The following ITPR3 variants were observed in gnomAD, a reference collection of about 807,000 sequenced individuals.
The protein encoded by ITPR3 is inositol 1,4,5-trisphosphate-gated calcium channel ITPR3.
A neutral mutation model predicts 293.2 loss-of-function variants in ITPR3; 173 were observed. That is an observed-to-expected ratio of 0.59 (90% CI 0.52 to 0.67). The LOEUF (loss-of-function observed/expected upper bound fraction) is 0.67. Among genes scored for constraint, ITPR3 ranks in the 30% least tolerant of loss-of-function variants. The pLI is 0.00. For synonymous variants in ITPR3, 1,295 were observed against 1,444.4 expected (o/e 0.90, Z 2.35); for missense variants, 2,796 against 3,592.1 (o/e 0.78, Z 5.66).
rs958084614 is a variant in ITPR3 at position 33,692,280 on chromosome 6, G to A, written c.7458+352G>A. ...ATTTGGCTTGGGCAGCCACATTCCC[G>A]AATGTCAGGCCTTCCCCTGTTGCTT... On this transcript the variant is annotated intron_variant, in intron 54 of 57. Coordinates refer to ENST00000605930, the MANE Select transcript of ITPR3 (RefSeq NM_002224.4). The surrounding 1 kb of genome is among the most constrained non-coding windows in gnomAD (Gnocchi z 4.2). 2.6e-5 allele frequency among the ~76,000 whole-genome samples: 4 copies of A among 152,332 alleles called. No homozygotes were observed. The highest frequency in any genetic ancestry group is 2.0e-4 in the Admixed American group (3 of 15,302).
chr6:33,678,450 C>T lies in ITPR3; in HGVS notation c.3678C>T (p.Arg1226=), dbSNP rs1171455916. ...KGDAKMMEIL[R]YTHQFLQKFC... ...ATGCCAAGATGATGGAGATCCTGCG[C>T]TACACGCACCAGTTCCTGCAGAAGT... is the stretch of plus-strand genomic sequence containing the variant. Residue 1226 remains arginine, a synonymous_variant, in exon 29 of 58, where the codon CGC becomes CGT. Transcript: ENST00000605930. 1 of 1,613,784 alleles carries T rather than the reference C, an allele frequency of 6.2e-7. No individual in the cohort carries two copies. Among genetic ancestry groups the T allele is most frequent in the South Asian group, 1.1e-5 (1 of 91,076 alleles).
chr6:33,666,612 T>TTC lies in ITPR3; in HGVS notation c.1552-516_1552-515insCT. On this transcript the variant is annotated intron_variant, in intron 14 of 57. Coordinates refer to ENST00000605930, the MANE Select transcript of ITPR3 (RefSeq NM_002224.4). The surrounding 1 kb of genome is among the most constrained non-coding windows in gnomAD (Gnocchi z 5.1). ...AATGTCTTTGTAAAGTTTGTTTTTT[T>TTC]TTTTTTAGAAACGAGGATCCAATTA... Among the ~76,000 whole-genome samples, 1 of 152,174 alleles carries TTC rather than the reference T, an allele frequency of 6.6e-6. No individual in the cohort carries two copies. The highest frequency in any genetic ancestry group is 2.4e-5 in the African/African-American group (1 of 41,522).
At chr6:33,693,291 G>A (rs545432385) in intron 55 of ITPR3, among the ~76,000 whole-genome samples, 5 of 152,192 alleles carry the variant, frequency 3.3e-5, no homozygotes, top group Non-Finnish European at 5.9e-5. Context: ...CCCTGAGTTC[G>A]AGAAATTCTC....
In ITPR3 at chr6:33,667,879, A is replaced by G. The variant is rs1394112254; in HGVS notation, c.1801A>G (p.Asn601Asp). The G allele has an allele frequency of 1.9e-6, 3 of 1,614,012 alleles. No individual in the cohort carries two copies. Among genetic ancestry groups the G allele is most frequent in the Non-Finnish European group, 1.7e-6 (2 of 1,180,006 alleles). ...GGACACCATCACTGCCCTGCTGCACAACAACCGCAAGCTCCTGGAAAAGCA... is the reference window on the plus strand; with the variant it reads ...GGACACCATCACTGCCCTGCTGCACGACAACCGCAAGCTCCTGGAAAAGCA... ...AEDTITALLH[N>D]NRKLLEKHIT... The change falls in exon 16 of 58, where the codon AAC becomes GAC. Residue 601 changes from asparagine to aspartate, a missense_variant. Coordinates refer to ENST00000605930, the MANE Select transcript of ITPR3 (RefSeq NM_002224.4). This position sits in a 1 kb window ranked among gnomAD's most constrained non-coding sequence, Gnocchi z 4.4.
At position 33,675,968 on chromosome 6, in the gene ITPR3, T is replaced by C. The variant is rs1385926607; in HGVS notation, c.3282+112T>C. ...CTCAAGGGGTAACTTGGGATGCCCA[T>C]TTGGGGTTTTCAGCCTTGCTGAGTT... On this transcript the variant is annotated intron_variant, in intron 25 of 57. Transcript: ENST00000605930. This position sits in a 1 kb window ranked among gnomAD's most constrained non-coding sequence, Gnocchi z 5.0. 2 of 1,304,108 alleles carry C rather than the reference T, an allele frequency of 1.5e-6. No homozygotes were observed. Among genetic ancestry groups the C allele is most frequent in the East Asian group, 2.7e-5 (1 of 37,672 alleles). 80.8% of individuals were successfully genotyped at this position (1,304,108 alleles called of 1,614,324 possible).
intron 57 of ITPR3, 113 bp from the exon 58 acceptor site, chr6:33,695,599 C>T (rs536452242): frequency 1.9e-5 from 20 of 1,063,516 alleles, no homozygotes; most frequent in South Asian, 5.4e-5. Flanking sequence ...CCGCCAGTGC[C>T]GAATAGCAGC....
At chr6:33,668,366 G>T in intron 16 of ITPR3, 149 bp from the exon 17 acceptor site, 1 of 1,086,508 alleles carries the variant, frequency 9.2e-7, no homozygotes, top group East Asian at 2.6e-5. Flanking sequence ...TGGGGAGCTG[G>T]GAGTCCATCC....
At chr6:33,686,361 C>A (rs371859834) in intron 42 of ITPR3, 48 bp from the exon 43 acceptor site, 1 of 1,598,106 alleles carries the variant, frequency 6.3e-7, no homozygotes, top group Non-Finnish European at 8.6e-7. Context: ...GGAGCTGCCA[C>A]TATTCTGAGA....
chr6:33,674,495 A>G (rs2127291387), intron 24 of ITPR3, among the ~76,000 whole-genome samples: 1 of 152,316 alleles, frequency 6.6e-6, no homozygotes, highest in East Asian at 1.9e-4. Flanking sequence ...TACTCAGGGC[A>G]GGTGTGCCTC....
At position 33,691,634 on chromosome 6, in the gene ITPR3, A is replaced by C; in HGVS notation, c.7245A>C (p.Pro2415=). Residue 2415 remains proline (P), a synonymous_variant, in exon 53 of 58, where the codon CCA becomes CCC. Coordinates refer to ENST00000605930, the MANE Select transcript of ITPR3 (RefSeq NM_002224.4). This position sits in a 1 kb window ranked among gnomAD's most constrained non-coding sequence, Gnocchi z 4.9. ...CTCCAGCCAGCCCCCTGGGGATGCC[A>C]CATGGAGCTGCTGCATTTGTGGACA... ...NHSTASPLGM[P]HGAAAFVDTC... 1 of 1,613,988 alleles carries C rather than the reference A, an allele frequency of 6.2e-7. No homozygotes were observed. Among genetic ancestry groups the C allele is most frequent in the Non-Finnish European group, 8.5e-7 (1 of 1,179,960 alleles).
At chr6:33,637,155 A>G (rs953276702) in intron 1 of ITPR3, among the ~76,000 whole-genome samples, 1 of 152,204 alleles carries the variant, frequency 6.6e-6, no homozygotes, top group African/African-American at 2.4e-5. Context: ...TTCTGACACT[A>G]TCTGCCTGGA....
At chr6:33,669,207 T>C (rs774316470) in intron 18 of ITPR3, 51 bp downstream of exon 18, 1 of 1,566,278 alleles carries the variant, frequency 6.4e-7, no homozygotes, top group Non-Finnish European at 8.7e-7. Flanking sequence ...TTGGGCCTTC[T>C]CAGTAGGCCG....
At position 33,680,457 on chromosome 6, in the gene ITPR3, C is replaced by G. The variant is rs2127298849; in HGVS notation, c.4350+3C>G. On this transcript the variant is annotated splice_donor_region_variant and intron_variant, in intron 32 of 57. Coordinates refer to ENST00000605930, the MANE Select transcript of ITPR3 (RefSeq NM_002224.4). ...ACTTCACCCTGGACATGGCCCGGGTCTGTCCCTGTGAGGGGTGTGGGTGAA... is the reference window on the plus strand; with the variant it reads ...ACTTCACCCTGGACATGGCCCGGGTGTGTCCCTGTGAGGGGTGTGGGTGAA... The G allele has an allele frequency of 6.2e-7, 1 of 1,612,708 alleles. No individual in the cohort carries two copies.
At chr6:33,659,259 T>A in intron 6 of ITPR3, 140 bp downstream of exon 6, 1 of 915,854 alleles carries the variant, frequency 1.1e-6, no homozygotes, top group Non-Finnish European at 1.7e-6. Flanking sequence ...GGCTTCTGCA[T>A]CCATTTCCCA....
In ITPR3 at chr6:33,670,370, C is replaced by G; in HGVS notation, c.2235C>G (p.Tyr745Ter). The G allele has an allele frequency of 6.2e-7, 1 of 1,614,152 alleles. No homozygotes were observed. Among genetic ancestry groups the G allele is most frequent in the Non-Finnish European group, 8.5e-7 (1 of 1,180,046 alleles). ...CCCGCATGTGCTTGGACCGCCAGTA[C>G]TTGGCCATCGACGAGATCTCCCAGC... Reference protein sequence around the residue: ...LFARMCLDRQYLAIDEISQQL... With the variant: ...LFARMCLDRQ The change falls in exon 19 of 58, where the codon TAC (tyrosine) becomes TAG (stop). Residue 745 changes from tyrosine (Y) to a stop codon, truncating the protein, a stop_gained. Coordinates refer to ENST00000605930, the MANE Select transcript of ITPR3 (RefSeq NM_002224.4). LOFTEE classifies it high-confidence loss of function. The surrounding 1 kb of genome is among the most constrained non-coding windows in gnomAD (Gnocchi z 6.7).
In ITPR3 at chr6:33,669,020, A is replaced by G; in HGVS notation, c.2053A>G (p.Ile685Val). 6.2e-7 allele frequency: 1 copy of G among 1,614,122 alleles called. No individual in the cohort carries two copies. Among genetic ancestry groups the G allele is most frequent in the Non-Finnish European group, 8.5e-7 (1 of 1,179,996 alleles). The change falls in exon 18 of 58, where the codon ATC (isoleucine) becomes GTC (valine). Residue 685 changes from isoleucine to valine, a missense_variant. Coordinates refer to ENST00000605930, the MANE Select transcript of ITPR3 (RefSeq NM_002224.4). ...EMAQSHEYLSIEYSEEEVWLT... is the reference protein window; with the variant it reads ...EMAQSHEYLSVEYSEEEVWLT... Reference sequence around the variant, plus strand: ...GGCCCAATCCCACGAGTACCTGAGCATCGAGTACTCAGAAGAGGAAGTGTG... The same window carrying G: ...GGCCCAATCCCACGAGTACCTGAGCGTCGAGTACTCAGAAGAGGAAGTGTG...
At position 33,675,891 on chromosome 6, in the gene ITPR3, A is replaced by G; in HGVS notation, c.3282+35A>G. 6.6e-7 allele frequency: 1 copy of G among 1,519,178 alleles called. No individual in the cohort carries two copies. The allele number at this position is 1,519,178 out of a possible 1,614,324, so 94.1% of individuals were successfully genotyped here. On this transcript the variant is annotated intron_variant, in intron 25 of 57. Coordinates refer to ENST00000605930, the MANE Select transcript of ITPR3 (RefSeq NM_002224.4). The surrounding 1 kb of genome is among the most constrained non-coding windows in gnomAD (Gnocchi z 5.0). ...CTACCTGGCCCTGGCCCTGAGCATGAGGCCTGCACCAGGCACGGGGGGACA... is the reference window on the plus strand; with the variant it reads ...CTACCTGGCCCTGGCCCTGAGCATGGGGCCTGCACCAGGCACGGGGGGACA...
Position 33,691,090 on chromosome 6 carries a change from G to A in ITPR3, c.7206G>A (p.Leu2402=). 2.5e-6 allele frequency: 4 copies of A among 1,614,184 alleles called. No homozygotes were observed. Among genetic ancestry groups the A allele is most frequent in the Non-Finnish European group, 3.4e-6 (4 of 1,180,026 alleles). The change falls in exon 52 of 58, where the codon CTG becomes CTA. Residue 2402 remains leucine, a synonymous_variant. Transcript: ENST00000605930. The surrounding 1 kb of genome is among the most constrained non-coding windows in gnomAD (Gnocchi z 4.9). ...KDDFILEVDR[L]PNNHSTASPL... is the part of the protein sequence containing the mutation. ...ACTTCATTCTCGAGGTCGACCGGCTGCCCAACAACCACTCCACAGGTCTTG... is the reference window on the plus strand; with the variant it reads ...ACTTCATTCTCGAGGTCGACCGGCTACCCAACAACCACTCCACAGGTCTTG...
Position 33,682,542 on chromosome 6 carries a change from G to T in ITPR3, c.4495G>T (p.Val1499Leu). Residue 1499 changes from valine to leucine, a missense_variant, in exon 34 of 58, where the codon GTG (valine) becomes TTG (leucine). This residue lies in a region of ITPR3 where 704 missense variants were observed against 797.5 expected (regional missense o/e 0.88). Coordinates refer to ENST00000605930, the MANE Select transcript of ITPR3 (RefSeq NM_002224.4). This position sits in a 1 kb window ranked among gnomAD's most constrained non-coding sequence, Gnocchi z 5.4. Reference protein sequence around the residue: ...TSLQTHQTIVVQLLQSTTRLL... With the variant: ...TSLQTHQTIVLQLLQSTTRLL... ...CTTGCAGACACACCAGACGATTGTG[G>T]TGCAGCTGCTGCAGTCTACCACACG... The T allele has an allele frequency of 1.3e-6, 2 of 1,548,472 alleles. No individual in the cohort carries two copies. Among genetic ancestry groups the T allele is most frequent in the Non-Finnish European group, 1.7e-6 (2 of 1,145,456 alleles).
Sources: allele counts gnomAD v4.1 joint callset (sites outside exome capture counted in the v4.1 genomes callset), GRCh38; gene constraint gnomAD v4.1.1; regional missense constraint gnomAD v4.1.1; non-coding constraint Gnocchi (gnomAD v3.1); transcripts MANE v1.5; gene names NCBI Gene and HGNC (gene_info 2026-07-23, HGNC 2026-07-21).